The following CHDH variants were observed in gnomAD, a reference collection of about 807,000 sequenced individuals.
CHDH encodes choline dehydrogenase, also known as choline dehydrogenase, mitochondrial.
CHDH carries 43 observed loss-of-function variants against 56.9 expected under a neutral mutation model. The observed-to-expected ratio is 0.76, with a 90% CI of 0.59 to 0.97. The LOEUF (loss-of-function observed/expected upper bound fraction) is 0.97, where lower values mean the gene tolerates loss of function less well. CHDH is among the 50% of genes least tolerant of loss of function. CHDH has a pLI of 0.00. For missense variants in CHDH, 816 were observed against 821.1 expected (o/e 0.99, Z 0.08); for synonymous variants, 364 against 348.5 (o/e 1.04, Z -0.50).
rs2095622679 is a variant in CHDH at position 53,819,779 on chromosome 3, C to G, written c.1121-105G>C. The G allele has an allele frequency of 7.3e-7, 1 of 1,364,490 alleles. No individual in the cohort carries two copies. The highest frequency in any genetic ancestry group is 9.8e-7 in the Non-Finnish European group (1 of 1,020,946). 84.5% of individuals were successfully genotyped at this position (1,364,490 alleles called of 1,614,324 possible). On this transcript the variant is annotated intron_variant, in intron 6 of 8. Transcript: ENST00000315251. The surrounding 1 kb of genome is among the most constrained non-coding windows in gnomAD (Gnocchi z 5.4). Reference sequence around the variant, plus strand: ...TCTCCTGGCCGCTCCTCTTCCTTTTCCCGGACTCCACTCTAGTGCCTGGAC... The same window carrying G: ...TCTCCTGGCCGCTCCTCTTCCTTTTGCCGGACTCCACTCTAGTGCCTGGAC...
At position 53,823,696 on chromosome 3, in the gene CHDH, A is replaced by AGTT; in HGVS notation, c.310_312dup (p.Asn104dup). ...CGCTGCACCTCTGTGTGGTAGCACCAGTTGTACCTGTCGTCGCACAGGTTG... is the reference window on the plus strand; with the variant it reads ...CGCTGCACCTCTGTGTGGTAGCACCAGTTGTTGTACCTGTCGTCGCACAGGTTG... On this transcript the variant is annotated inframe_insertion, in exon 3 of 9. Coordinates refer to ENST00000315251, the MANE Select transcript of CHDH (RefSeq NM_018397.5). The AGTT allele has an allele frequency of 6.5e-7, 1 of 1,549,616 alleles. No individual in the cohort carries two copies.
Position 53,821,688 on chromosome 3 carries a change from T to A in CHDH, c.944A>T (p.Asp315Val). The A allele has an allele frequency of 6.2e-7, 1 of 1,613,856 alleles. No homozygotes were observed. The highest frequency in any genetic ancestry group is 8.5e-7 in the Non-Finnish European group (1 of 1,179,820). ...LMLSGIGNAD[D>V]LKKLGIPVVC... ...CACAGGGATGCCCAGTTTCTTGAGG[T>A]CATCAGCATTCCCGATGCCAGAGAG... Residue 315 changes from aspartate to valine, a missense_variant, in exon 5 of 9, where the codon GAC (aspartate) becomes GTC (valine). Physicochemically the swap from Asp to Val is radical, Grantham distance 152. Transcript: ENST00000315251.
In CHDH at chr3:53,824,321, T is replaced by C. The variant is rs1413861318; in HGVS notation, c.-59-254A>G. Among the ~76,000 whole-genome samples the C allele has an allele frequency of 2.6e-4, 39 of 152,204 alleles. 1 individual carries two copies. Among genetic ancestry groups the C allele is most frequent in the Admixed American group, 2.4e-3 (37 of 15,292 alleles). On this transcript the variant is annotated intron_variant, in intron 2 of 8. Coordinates refer to ENST00000315251, the MANE Select transcript of CHDH (RefSeq NM_018397.5). ...AGGGGTAAAATGCTTCCCTGTGCCC[T>C]GTGTATGAACCTGGAGACTGGGCTG...
At position 53,816,427 on chromosome 3, in the gene CHDH, T is replaced by C. The variant is rs2095616084; in HGVS notation, c.*1350A>G. On this transcript the variant is annotated 3_prime_UTR_variant, in exon 9 of 9. Coordinates refer to ENST00000315251, the MANE Select transcript of CHDH (RefSeq NM_018397.5). ...AGAAATTTAAAGAGCAAAGAGCTGT[T>C]GTAAATGCTACTTGTATTTTTTTTC... The C allele has an allele frequency of 6.6e-6, 1 of 152,230 alleles. No individual in the cohort carries two copies. The highest frequency in any genetic ancestry group is 2.4e-5 in the African/African-American group (1 of 41,454). The allele number at this position is 152,230 out of a possible 1,614,324, so 9.4% of individuals were successfully genotyped here. A position where few individuals can be genotyped will look rare whatever the true frequency, so the allele number is the denominator to read the frequency against.
intron 1 of CHDH, among the ~76,000 whole-genome samples, chr3:53,843,933 G>C (rs976204849): frequency 6.6e-6 from 1 of 152,244 alleles, no homozygotes; most frequent in African/African-American, 2.4e-5. Flanking sequence ...CAAATAAATT[G>C]TGTGCCTTCC....
chr3:53,824,188 G>A (rs2095634602), intron 2 of CHDH, 121 bp from the exon 3 acceptor site: 2 of 562,388 alleles, frequency 3.6e-6, no homozygotes, highest in Non-Finnish European at 5.9e-6. Context: ...AAGGAACTAG[G>A]AGGAGGAAGT....
At chr3:53,837,880 A>G (rs1322721839) in intron 2 of CHDH, among the ~76,000 whole-genome samples, 2 of 152,020 alleles carry the variant, frequency 1.3e-5, no homozygotes, top group Non-Finnish European at 2.9e-5. Context: ...CAACATGGCA[A>G]AACCTCATCT....
chr3:53,817,894 C>T lies in CHDH; in HGVS notation c.1668G>A (p.Leu556=). 6.2e-7 allele frequency: 1 copy of T among 1,614,242 alleles called. No individual in the cohort carries two copies. Among genetic ancestry groups the T allele is most frequent in the Non-Finnish European group, 8.5e-7 (1 of 1,180,052 alleles). ...CTGCGATCATGATTGTGGGGGCGTT[C>T]AGGTTGCCGCTGACCATGCTAGGCA... ...SIMPSMVSGN[L]NAPTIMIAEK... The change falls in exon 9 of 9, where the codon CTG becomes CTA. Residue 556 remains leucine, a synonymous_variant. Coordinates refer to ENST00000315251, the MANE Select transcript of CHDH (RefSeq NM_018397.5).
chr3:53,844,151 G>T (rs1698774387), intron 1 of CHDH, among the ~76,000 whole-genome samples: 1 of 152,158 alleles, frequency 6.6e-6, no homozygotes, highest in African/African-American at 2.4e-5. Context: ...TAAGCCCCAG[G>T]GGGCCAGGGC....
intron 6 of CHDH, among the ~76,000 whole-genome samples, chr3:53,820,260 T>C (rs2095623672): frequency 6.6e-6 from 1 of 152,196 alleles, no homozygotes; most frequent in African/African-American, 2.4e-5. Context: ...CCAAGCTCCT[T>C]GGCATGTGCT....
intron 2 of CHDH, among the ~76,000 whole-genome samples, chr3:53,833,769 G>C (rs1483056438): frequency 6.6e-6 from 1 of 152,130 alleles, no homozygotes; most frequent in East Asian, 1.9e-4. Flanking sequence ...GACCAGAAGA[G>C]GAAGATGTGG....
intron 2 of CHDH, among the ~76,000 whole-genome samples, chr3:53,838,940 C>T (rs1159623289): frequency 2.0e-5 from 3 of 152,152 alleles, no homozygotes; most frequent in Non-Finnish European, 2.9e-5. Context: ...GGATCAGGCC[C>T]CATCATCTCC....
chr3:53,827,904 G>A (rs1427741671), intron 2 of CHDH, among the ~76,000 whole-genome samples: 1 of 152,134 alleles, frequency 6.6e-6, no homozygotes, highest in Non-Finnish European at 1.5e-5. Flanking sequence ...TATATATGGA[G>A]AGGCAAAAGA....
chr3:53,820,952 A>G (rs2095625107), intron 5 of CHDH, among the ~76,000 whole-genome samples: 1 of 152,222 alleles, frequency 6.6e-6, no homozygotes, highest in Admixed American at 6.5e-5. Flanking sequence ...CTGGATGGTG[A>G]TGGCCAGAGG....
At position 53,823,785 on chromosome 3, in the gene CHDH, T is replaced by G; in HGVS notation, c.224A>C (p.Lys75Thr). ...CCGCTTGCTCCCCGCGAGCACGTCCTTGGGCCCGGCCTCCAGCAGCAGCAC... is the reference window on the plus strand; with the variant it reads ...CCGCTTGCTCCCCGCGAGCACGTCCGTGGGCCCGGCCTCCAGCAGCAGCAC... Reference protein sequence around the residue: ...ERVLLLEAGPKDVLAGSKRLS... With the variant: ...ERVLLLEAGPTDVLAGSKRLS... Residue 75 changes from lysine to threonine, a missense_variant, in exon 3 of 9, where the codon AAG (lysine) becomes ACG (threonine). Physicochemically the swap from Lys to Thr is moderately conservative, Grantham distance 78 (BLOSUM62 -1). Coordinates refer to ENST00000315251, the MANE Select transcript of CHDH (RefSeq NM_018397.5). The G allele has an allele frequency of 6.4e-7, 1 of 1,574,168 alleles. No individual in the cohort carries two copies. The highest frequency in any genetic ancestry group is 8.6e-7 in the Non-Finnish European group (1 of 1,163,066).
intron 2 of CHDH, among the ~76,000 whole-genome samples, chr3:53,834,989 T>C (rs1698453095): frequency 6.6e-6 from 1 of 152,184 alleles, no homozygotes; most frequent in Admixed American, 6.5e-5. Context: ...ACAAGGCCAA[T>C]GATAAATAAT....
intron 8 of CHDH, 135 bp from the exon 9 acceptor site, chr3:53,818,330 G>T: frequency 1.3e-6 from 1 of 774,116 alleles, no homozygotes; most frequent in Non-Finnish European, 2.0e-6. Flanking sequence ...GGCCATGGGG[G>T]ACTGAGCCAG....
Position 53,819,721 on chromosome 3 carries a change from C to T in CHDH, c.1121-47G>A. On this transcript the variant is annotated intron_variant, in intron 6 of 8. Coordinates refer to ENST00000315251, the MANE Select transcript of CHDH (RefSeq NM_018397.5). The surrounding 1 kb of genome is among the most constrained non-coding windows in gnomAD (Gnocchi z 5.4). ...GGCAGAAGAGCCAGTCAGGCCGTGG[C>T]AGGTGGGCCGGCTGCTCCTGGTTTC... 1.3e-6 allele frequency: 2 copies of T among 1,505,122 alleles called. No individual in the cohort carries two copies. The highest frequency in any genetic ancestry group is 1.8e-6 in the Non-Finnish European group (2 of 1,125,170). The allele number at this position is 1,505,122 out of a possible 1,614,324, so 93.2% of individuals were successfully genotyped here. A position where few individuals can be genotyped will look rare whatever the true frequency, so the allele number is the denominator to read the frequency against.
chr3:53,835,370 C>G (rs556821630), intron 2 of CHDH, among the ~76,000 whole-genome samples: 4 of 152,350 alleles, frequency 2.6e-5, no homozygotes, highest in African/African-American at 7.2e-5. Context: ...TACTTTACAG[C>G]CCTGAATCTT....
Sources: allele counts gnomAD v4.1 joint callset (sites outside exome capture counted in the v4.1 genomes callset), GRCh38; gene constraint gnomAD v4.1.1; non-coding constraint Gnocchi (gnomAD v3.1); transcripts MANE v1.5; gene names NCBI Gene and HGNC (gene_info 2026-07-23, HGNC 2026-07-21).